Variants in PKDREJ observed in about 807,000 individuals in gnomAD.
PKDREJ encodes the protein PKD and REJ homolog.
For missense variants in PKDREJ, 2,507 were observed against 2,807.2 expected (o/e 0.89, Z 2.42); for synonymous variants, 1,031 against 1,095.5 (o/e 0.94, Z 1.16).
Position 46,257,417 on chromosome 22 carries a change from A to G in PKDREJ, c.5906T>C (p.Val1969Ala). The G allele has an allele frequency of 6.2e-7, 1 of 1,614,090 alleles. No homozygotes were observed. Among genetic ancestry groups the G allele is most frequent in the Non-Finnish European group, 8.5e-7 (1 of 1,180,038 alleles). ...RKASAEIYLYVAILIFFLAYV... is the reference protein window; with the variant it reads ...RKASAEIYLYAAILIFFLAYV... ...GGCTAAGAAAAAAATGAGAATGGCCACATACAAGTAGATTTCTGCTGAAGC... is the reference window on the plus strand; with the variant it reads ...GGCTAAGAAAAAAATGAGAATGGCCGCATACAAGTAGATTTCTGCTGAAGC... The change falls in exon 1 of 1, where the codon GTG becomes GCG. Residue 1969 changes from valine to alanine, a missense_variant. Physicochemically the swap from Val to Ala is moderately conservative, Grantham distance 64. Coordinates refer to ENST00000253255, the MANE Select transcript of PKDREJ (RefSeq NM_006071.2). This position sits in a 1 kb window ranked among gnomAD's most constrained non-coding sequence, Gnocchi z 4.7.
Position 46,260,730 on chromosome 22 carries a change from T to C in PKDREJ, c.2593A>G (p.Lys865Glu), listed in dbSNP as rs1407720752. 5 of 1,614,102 alleles carry C rather than the reference T, an allele frequency of 3.1e-6. No individual in the cohort carries two copies. The African/African-American group carries it at 5.3e-5, about 17-fold the overall frequency. The change falls in exon 1 of 1, where the codon AAA becomes GAA. Residue 865 changes from lysine to glutamate, a missense_variant. Lys to Glu is a moderately conservative substitution (Grantham distance 56). Transcript: ENST00000253255. The surrounding 1 kb of genome is among the most constrained non-coding windows in gnomAD (Gnocchi z 4.5). The part of the protein sequence containing the change: ...RTPNFNMYVK[K>E]VEKWGINQLF... ...TGGTTGATACCCCACTTTTCAACTT[T>C]CTTGACATACATGTTGAAATTGGGG...
In PKDREJ at chr22:46,257,872, G is replaced by A; in HGVS notation, c.5451C>T (p.Ile1817=). Residue 1817 remains isoleucine, a synonymous_variant, in exon 1 of 1, where the codon ATC becomes ATT. Transcript: ENST00000253255. The surrounding 1 kb of genome is among the most constrained non-coding windows in gnomAD (Gnocchi z 4.7). ...TGGGGTGACAATGAATTTCTCTTCT[G>A]ATGCTGTTTTGCACAAACTTTTCGG... ...LPAEKFVQNS[I]RREIHCHPKY... 6.2e-7 allele frequency: 1 copy of A among 1,614,106 alleles called. No individual in the cohort carries two copies. The highest frequency in any genetic ancestry group is 1.6e-4 in the Middle Eastern group (1 of 6,062).
chr22:46,260,101 G>A lies in PKDREJ; in HGVS notation c.3222C>T (p.His1074=). 6.2e-7 allele frequency: 1 copy of A among 1,613,846 alleles called. No individual in the cohort carries two copies. Among genetic ancestry groups the A allele is most frequent in the Non-Finnish European group, 8.5e-7 (1 of 1,179,858 alleles). The part of the protein sequence containing the change: ...QLIAQHSHSP[H]CTVSIVLQAP... ...CCTGCAGAACTATGGATACAGTACA[G>A]TGGGGAGAGTGGCTGTGCTGAGCTA... Residue 1074 remains histidine, a synonymous_variant, in exon 1 of 1, where the codon CAC becomes CAT. Transcript: ENST00000253255. The surrounding 1 kb of genome is among the most constrained non-coding windows in gnomAD (Gnocchi z 4.5).
In PKDREJ at chr22:46,258,275, G is replaced by A. The variant is rs1452423978; in HGVS notation, c.5048C>T (p.Thr1683Met). The A allele has an allele frequency of 1.7e-5, 28 of 1,614,042 alleles. No individual in the cohort carries two copies. The highest frequency in any genetic ancestry group is 4.0e-5 in the African/African-American group (3 of 74,914). ...IHDQIVRIRG[T>M]RMYQPLTEDE... Reference sequence around the variant, plus strand: ...TTCTGTAAGGGGTTGGTACATCCTCGTGCCTCGGATTCGGACGATCTGGTC... The same window carrying A: ...TTCTGTAAGGGGTTGGTACATCCTCATGCCTCGGATTCGGACGATCTGGTC... The change falls in exon 1 of 1, where the codon ACG (threonine) becomes ATG (methionine). Residue 1683 changes from threonine (T) to methionine (M), a missense_variant. Coordinates refer to ENST00000253255, the MANE Select transcript of PKDREJ (RefSeq NM_006071.2). The surrounding 1 kb of genome is among the most constrained non-coding windows in gnomAD (Gnocchi z 6.1).
chr22:46,262,556 G>A lies in PKDREJ; in HGVS notation c.767C>T (p.Ala256Val). ...CACGGAGAACACCTGCCAGTACTGG[G>A]CGATGGCGCGCGCGGCCGGGCAGTC... ...QLDCPAARAIAQYWQVFSVPA... is the reference protein window; with the variant it reads ...QLDCPAARAIVQYWQVFSVPA... Residue 256 changes from alanine (A) to valine (V), a missense_variant, in exon 1 of 1, where the codon GCC becomes GTC. Coordinates refer to ENST00000253255, the MANE Select transcript of PKDREJ (RefSeq NM_006071.2). The surrounding 1 kb of genome is among the most constrained non-coding windows in gnomAD (Gnocchi z 8.1). The A allele has an allele frequency of 6.2e-7, 1 of 1,603,358 alleles. No homozygotes were observed. Among genetic ancestry groups the A allele is most frequent in the East Asian group, 2.2e-5 (1 of 44,820 alleles).
At position 46,261,817 on chromosome 22, in the gene PKDREJ, C is replaced by T. The variant is rs758370790; in HGVS notation, c.1506G>A (p.Glu502=). The part of the protein sequence containing the change: ...KWSILSSSGG[E]MLFDWMGETV... The stretch of plus-strand genomic sequence containing the variant: ...TTTCCCCCATCCAATCAAATAGCAT[C>T]TCACCACCTGAAGAAGACAAAATTG... The change falls in exon 1 of 1, where the codon GAG becomes GAA. Residue 502 remains glutamate (E), a synonymous_variant. Transcript: ENST00000253255. The surrounding 1 kb of genome is among the most constrained non-coding windows in gnomAD (Gnocchi z 7.1). 5.0e-6 allele frequency: 8 copies of T among 1,613,968 alleles called. No homozygotes were observed. Among genetic ancestry groups the T allele is most frequent in the Non-Finnish European group, 6.8e-6 (8 of 1,180,024 alleles).
At position 46,257,564 on chromosome 22, in the gene PKDREJ, G is replaced by A; in HGVS notation, c.5759C>T (p.Thr1920Ile). ...KTWAVVLELT[T>I]FNPDINLFCS... is the part of the protein sequence containing the mutation. ...GAACAGATTTATATCTGGATTAAAA[G>A]TTGTTAATTCCAAAACCACAGCCCA... The change falls in exon 1 of 1, where the codon ACT (threonine) becomes ATT (isoleucine). Residue 1920 changes from threonine (T) to isoleucine (I), a missense_variant. Thr to Ile is a moderately conservative substitution (Grantham distance 89). Transcript: ENST00000253255. This position sits in a 1 kb window ranked among gnomAD's most constrained non-coding sequence, Gnocchi z 4.7. The A allele has an allele frequency of 1.2e-6, 2 of 1,614,170 alleles. No individual in the cohort carries two copies. Among genetic ancestry groups the A allele is most frequent in the Non-Finnish European group, 8.5e-7 (1 of 1,180,036 alleles).
At position 46,258,370 on chromosome 22, in the gene PKDREJ, G is replaced by A. The variant is rs1161827038; in HGVS notation, c.4953C>T (p.Thr1651=). The part of the protein sequence containing the change: ...PKYCKNLSWS[T]KYKYTEIRLD... ...ACCTGATCTCAGTATATTTATACTT[G>A]GTTGACCATGAAAGGTTTTTGCAAT... is the stretch of plus-strand genomic sequence containing the variant. The change falls in exon 1 of 1, where the codon ACC becomes ACT. Residue 1651 remains threonine (T), a synonymous_variant. Transcript: ENST00000253255. This position sits in a 1 kb window ranked among gnomAD's most constrained non-coding sequence, Gnocchi z 6.1. 14 of 1,613,946 alleles carry A rather than the reference G, an allele frequency of 8.7e-6. No individual in the cohort carries two copies. Among genetic ancestry groups the A allele is most frequent in the Non-Finnish European group, 1.0e-5 (12 of 1,180,030 alleles).
In PKDREJ at chr22:46,257,336, C is replaced by T. The variant is rs1388346008; in HGVS notation, c.5987G>A (p.Ser1996Asn). The change falls in exon 1 of 1, where the codon AGT (serine) becomes AAT (asparagine). Residue 1996 changes from serine to asparagine, a missense_variant. By Grantham distance (46) the Ser-to-Asn change is conservative (BLOSUM62 1). Transcript: ENST00000253255. The surrounding 1 kb of genome is among the most constrained non-coding windows in gnomAD (Gnocchi z 4.7). Reference protein sequence around the residue: ...IMQERASYVRSVYNLLNFALK... With the variant: ...IMQERASYVRNVYNLLNFALK... Reference sequence around the variant, plus strand: ...AGCAAAGTTGAGCAAATTATACACACTTCTCACATAGGAGGCTCTTTCTTG... The same window carrying T: ...AGCAAAGTTGAGCAAATTATACACATTTCTCACATAGGAGGCTCTTTCTTG... The T allele has an allele frequency of 6.2e-6, 10 of 1,613,952 alleles. No individual in the cohort carries two copies. In the African/African-American group the frequency reaches 1.3e-4, roughly 22 times the overall value.
rs1323992324 is a variant in PKDREJ, at chr22:46,259,990, C to T, written c.3333G>A (p.Gln1111=). ...TGCAATAACCCTCTCTCCATTCACT[C>T]TGGATCCCATACATGTCCAAGCACT... ...SVQCLDMYGI[Q]SEWREGYCIL... is the part of the protein sequence containing the mutation. Residue 1111 remains glutamine (Q), a synonymous_variant, in exon 1 of 1, where the codon CAG becomes CAA. Coordinates refer to ENST00000253255, the MANE Select transcript of PKDREJ (RefSeq NM_006071.2). The surrounding 1 kb of genome is among the most constrained non-coding windows in gnomAD (Gnocchi z 6.8). 1.2e-6 allele frequency: 2 copies of T among 1,614,178 alleles called. No homozygotes were observed. Among genetic ancestry groups the T allele is most frequent in the Admixed American group, 3.3e-5 (2 of 60,024 alleles).
At position 46,263,264 on chromosome 22, in the gene PKDREJ, C is replaced by A; in HGVS notation, c.59G>T (p.Arg20Leu). Residue 20 changes from arginine to leucine, a missense_variant, in exon 1 of 1, where the codon CGC (arginine) becomes CTC (leucine). Coordinates refer to ENST00000253255, the MANE Select transcript of PKDREJ (RefSeq NM_006071.2). The surrounding 1 kb of genome is among the most constrained non-coding windows in gnomAD (Gnocchi z 9.4). Reference protein sequence around the residue: ...LGVGLSLSVGRLPLPPVPRGA... With the variant: ...LGVGLSLSVGLLPLPPVPRGA... ...GCGAGGAACCGGCGGCAGCGGGAGG[C>A]GGCCGACGCTCAGGCTCAGGCCCAC... 1 of 1,467,278 alleles carries A rather than the reference C, an allele frequency of 6.8e-7. No individual in the cohort carries two copies. Among genetic ancestry groups the A allele is most frequent in the South Asian group, 1.3e-5 (1 of 77,492 alleles). The allele number at this position is 1,467,278 out of a possible 1,614,324, so 90.9% of individuals were successfully genotyped here.
rs1365131054 is a variant in PKDREJ, at chr22:46,257,814, A to C, written c.5509T>G (p.Tyr1837Asp). ...TCAACTTCATTCCAAAAGCCAGAAT[A>C]GTTTTTTGTGTCTTCTGGGTCAATG... ...YGIDPEDTKN[Y>D]SGFWNEVDKQ... is the part of the protein sequence containing the mutation. Residue 1837 changes from tyrosine (Y) to aspartate (D), a missense_variant, in exon 1 of 1, where the codon TAT becomes GAT. By Grantham distance (160) the Tyr-to-Asp change is radical. Coordinates refer to ENST00000253255, the MANE Select transcript of PKDREJ (RefSeq NM_006071.2). This position sits in a 1 kb window ranked among gnomAD's most constrained non-coding sequence, Gnocchi z 4.7. 2.5e-6 allele frequency: 4 copies of C among 1,614,074 alleles called. 1 individual carries two copies. The highest frequency in any genetic ancestry group is 2.2e-5 in the East Asian group (1 of 44,892).
Position 46,259,494 on chromosome 22 carries a change from C to T in PKDREJ, c.3829G>A (p.Gly1277Ser), listed in dbSNP as rs182950807. Residue 1277 changes from glycine to serine, a missense_variant, in exon 1 of 1, where the codon GGT becomes AGT. Coordinates refer to ENST00000253255, the MANE Select transcript of PKDREJ (RefSeq NM_006071.2). This position sits in a 1 kb window ranked among gnomAD's most constrained non-coding sequence, Gnocchi z 6.8. ...SHPHFTTLYRGSINTFLLTTK... is the reference protein window; with the variant it reads ...SHPHFTTLYRSSINTFLLTTK... ...GTTAGGAGGAAAGTGTTGATGCTACCTCGGTAGAGAGTTGTGAAATGTGGA... is the reference window on the plus strand; with the variant it reads ...GTTAGGAGGAAAGTGTTGATGCTACTTCGGTAGAGAGTTGTGAAATGTGGA... The T allele has an allele frequency of 1.4e-4, 222 of 1,614,196 alleles. No homozygotes were observed. Among genetic ancestry groups the T allele is most frequent in the Non-Finnish European group, 1.8e-4 (218 of 1,180,030 alleles).
In PKDREJ at chr22:46,257,392, G is replaced by C; in HGVS notation, c.5931C>G (p.Ala1977=). Residue 1977 remains alanine (A), a synonymous_variant, in exon 1 of 1, where the codon GCC becomes GCG. Coordinates refer to ENST00000253255, the MANE Select transcript of PKDREJ (RefSeq NM_006071.2). This position sits in a 1 kb window ranked among gnomAD's most constrained non-coding sequence, Gnocchi z 4.7. ...TGATACAACCCTCATCAACAACGTA[G>C]GCTAAGAAAAAAATGAGAATGGCCA... ...LYVAILIFFL[A]YVVDEGCIIM... 6.2e-7 allele frequency: 1 copy of C among 1,613,952 alleles called. No individual in the cohort carries two copies. The highest frequency in any genetic ancestry group is 1.1e-5 in the South Asian group (1 of 91,032).
Position 46,260,162 on chromosome 22 carries a change from C to T in PKDREJ, c.3161G>A (p.Arg1054His), listed in dbSNP as rs746765310. ...CAGGGACACAGGGAGGCAGACTACA[C>T]GGGCCTTCTTCACTGTGCAGGCTGG... ...FDPACTVKKA[R>H]VVCLPVSLLQ... Residue 1054 changes from arginine (R) to histidine (H), a missense_variant, in exon 1 of 1, where the codon CGT becomes CAT. Transcript: ENST00000253255. This position sits in a 1 kb window ranked among gnomAD's most constrained non-coding sequence, Gnocchi z 4.5. 24 of 1,613,920 alleles carry T rather than the reference C, an allele frequency of 1.5e-5. No homozygotes were observed. The highest frequency in any genetic ancestry group is 7.7e-5 in the South Asian group (7 of 91,070).
rs754879140 is a variant in PKDREJ, at chr22:46,259,780, G to A, written c.3543C>T (p.His1181=). ...CAGTGAAGAGGGTCACGGGGTTTTG[G>A]TGAAGGCTCTTGATGATGTTTAACC... The part of the protein sequence containing the change: ...DLRLNIIKSL[H]QNPVTLFTVL... Residue 1181 remains histidine, a synonymous_variant, in exon 1 of 1, where the codon CAC becomes CAT. Coordinates refer to ENST00000253255, the MANE Select transcript of PKDREJ (RefSeq NM_006071.2). The surrounding 1 kb of genome is among the most constrained non-coding windows in gnomAD (Gnocchi z 6.8). The A allele has an allele frequency of 5.8e-5, 93 of 1,614,112 alleles. No homozygotes were observed. Among genetic ancestry groups the A allele is most frequent in the Non-Finnish European group, 7.5e-5 (89 of 1,180,042 alleles).
rs763808418 is a variant in PKDREJ at position 46,261,681 on chromosome 22, T to G, written c.1642A>C (p.Thr548Pro). Reference sequence around the variant, plus strand: ...ATAAAAGAATGCCTGAAGACCGAGGTCACTCCACTCCAACATGCTAGATAC... The same window carrying G: ...ATAAAAGAATGCCTGAAGACCGAGGGCACTCCACTCCAACATGCTAGATAC... ...SLYLACWSGV[T>P]SVFRHSFIIN... Residue 548 changes from threonine (T) to proline (P), a missense_variant, in exon 1 of 1, where the codon ACC (threonine) becomes CCC (proline). Transcript: ENST00000253255. The surrounding 1 kb of genome is among the most constrained non-coding windows in gnomAD (Gnocchi z 7.1). 6.2e-7 allele frequency: 1 copy of G among 1,613,790 alleles called. No homozygotes were observed. Among genetic ancestry groups the G allele is most frequent in the Non-Finnish European group, 8.5e-7 (1 of 1,179,978 alleles).
rs142780467 is a variant in PKDREJ, at chr22:46,261,150, G to A, written c.2173C>T (p.Pro725Ser). 119 of 1,614,038 alleles carry A rather than the reference G, an allele frequency of 7.4e-5. 2 individuals carry two copies. The African/African-American group carries it at 1.4e-3, about 19-fold the overall frequency. The change falls in exon 1 of 1, where the codon CCT (proline) becomes TCT (serine). Residue 725 changes from proline to serine, a missense_variant. Transcript: ENST00000253255. This position sits in a 1 kb window ranked among gnomAD's most constrained non-coding sequence, Gnocchi z 7.1. ...AGATTGACTCTGTCATCTCGGAGAG[G>A]TAATTCAGTTTTCATGTTATTCAAA... ...SVLNNMKTEL[P>S]LRDDRVNLRK... is the part of the protein sequence containing the mutation.
At position 46,256,925 on chromosome 22, in the gene PKDREJ, A is replaced by G; in HGVS notation, c.6398T>C (p.Val2133Ala). 6.2e-7 allele frequency: 1 copy of G among 1,614,012 alleles called. No homozygotes were observed. The highest frequency in any genetic ancestry group is 2.2e-5 in the East Asian group (1 of 44,894). ...AAATTCAGTGTTCTGGAAAGCTGAG[A>G]CACAATAGGAAAATACTGTCTGAGT... is the stretch of plus-strand genomic sequence containing the variant. ...HSTQTVFSYCVSAFQNTEFSN... is the reference protein window; with the variant it reads ...HSTQTVFSYCASAFQNTEFSN... Residue 2133 changes from valine to alanine, a missense_variant, in exon 1 of 1, where the codon GTC (valine) becomes GCC (alanine). Physicochemically the swap from Val to Ala is moderately conservative, Grantham distance 64 (BLOSUM62 0). Transcript: ENST00000253255. This position sits in a 1 kb window ranked among gnomAD's most constrained non-coding sequence, Gnocchi z 5.3.
Sources: allele counts gnomAD v4.1 joint callset, GRCh38; gene constraint gnomAD v4.1.1; non-coding constraint Gnocchi (gnomAD v3.1); transcripts MANE v1.5; gene names NCBI Gene and HGNC (gene_info 2026-07-23, HGNC 2026-07-21).